Variants in SLC4A10 observed in about 807,000 individuals in gnomAD.
The protein encoded by SLC4A10 is solute carrier family 4 member 10, also known as sodium-driven chloride bicarbonate exchanger.
Under a neutral mutation model 137.7 loss-of-function variants are expected in SLC4A10, and 42 were observed. The ratio of observed to expected loss-of-function variants is 0.30; its 90% CI spans 0.24 to 0.39. The LOEUF (loss-of-function observed/expected upper bound fraction) is 0.39, where lower values mean the gene tolerates loss of function less well. SLC4A10 is among the 10% of genes least tolerant of loss of function. SLC4A10 has a pLI of 1.00. For synonymous variants in SLC4A10, 474 were observed against 464.1 expected (o/e 1.02, Z -0.27); for missense variants, 925 against 1,355.0 (o/e 0.68, Z 4.98).
At chr2:161,807,484 T>A (rs2125616403) in intron 3 of SLC4A10, among the ~76,000 whole-genome samples, 1 of 152,228 alleles carries the variant, frequency 6.6e-6, no homozygotes, top group Admixed American at 6.5e-5. Flanking sequence ...CTGAAGTCAC[T>A]AATTCATTTA....
chr2:161,710,022 A>T lies in SLC4A10; in HGVS notation c.49-60951A>T, dbSNP rs549095570. ...ATCAGGGTGAAATGACATAGATTAA[A>T]AAAATGAATATATTTAAGGAAGTCT... is the stretch of plus-strand genomic sequence containing the variant. On this transcript the variant is annotated intron_variant, in intron 1 of 26. Coordinates refer to ENST00000446997, the MANE Select transcript of SLC4A10 (RefSeq NM_001178015.2). The T allele has an allele frequency of 2.6e-5, 4 of 151,746 alleles. No individual in the cohort carries two copies. In the East Asian group the frequency reaches 7.7e-4, roughly 29 times the overall value. 9.4% of individuals were successfully genotyped at this position (151,746 alleles called of 1,614,324 possible).
chr2:161,788,716 C>A (rs530248335), intron 2 of SLC4A10, among the ~76,000 whole-genome samples: 6 of 152,172 alleles, frequency 3.9e-5, no homozygotes, highest in Non-Finnish European at 8.8e-5. Context: ...GAGCCCAGAG[C>A]AAACAGTTTT....
At chr2:161,874,355 T>C (rs550113667) in intron 8 of SLC4A10, among the ~76,000 whole-genome samples, 83 of 152,234 alleles carry the variant, frequency 5.5e-4, no homozygotes, top group Non-Finnish European at 1.0e-3. Context: ...AATTGTGATT[T>C]AACTTTTTAA....
chr2:161,645,780 G>C (rs979562227), intron 1 of SLC4A10, among the ~76,000 whole-genome samples: 7 of 151,996 alleles, frequency 4.6e-5, no homozygotes, highest in African/African-American at 7.2e-5. Context: ...ATAAATCTGA[G>C]AGCCAGTCAA....
chr2:161,638,646 G>GT (rs2034814530), intron 1 of SLC4A10, among the ~76,000 whole-genome samples: 3 of 151,876 alleles, frequency 2.0e-5, no homozygotes, highest in African/African-American at 7.2e-5. Context: ...GATTTTTTCT[G>GT]TTTTTGTGAA....
intron 8 of SLC4A10, among the ~76,000 whole-genome samples, chr2:161,877,893 G>T (rs2061530542): frequency 1.3e-5 from 2 of 151,830 alleles, no homozygotes; most frequent in African/African-American, 4.8e-5. Flanking sequence ...TAATCCTTGT[G>T]AAAGAACATA....
chr2:161,883,956 C>A (rs2062017169), intron 10 of SLC4A10, among the ~76,000 whole-genome samples: 1 of 152,256 alleles, frequency 6.6e-6, no homozygotes, highest in East Asian at 1.9e-4. Flanking sequence ...TCAAATAAGG[C>A]CACATTCTGC....
At chr2:161,805,651 T>G (rs1249242516) in intron 3 of SLC4A10, among the ~76,000 whole-genome samples, 1 of 152,194 alleles carries the variant, frequency 6.6e-6, no homozygotes, top group Non-Finnish European at 1.5e-5. Flanking sequence ...AGCTCCGAAA[T>G]GATCTCCTTT....
chr2:161,775,484 A>G (rs1456521639), intron 2 of SLC4A10, among the ~76,000 whole-genome samples: 1 of 151,938 alleles, frequency 6.6e-6, no homozygotes, highest in East Asian at 1.9e-4. Flanking sequence ...GTTTCACTAT[A>G]TTAACCCATT....
chr2:161,741,696 A>C (rs1345568845), intron 1 of SLC4A10, among the ~76,000 whole-genome samples: 1 of 152,206 alleles, frequency 6.6e-6, no homozygotes, highest in South Asian at 2.1e-4. Flanking sequence ...TTATGGGTAC[A>C]TAATAGGTGT....
At chr2:161,752,082 G>T (rs1201592751) in intron 1 of SLC4A10, among the ~76,000 whole-genome samples, 1 of 151,912 alleles carries the variant, frequency 6.6e-6, no homozygotes, top group Non-Finnish European at 1.5e-5. Flanking sequence ...GGTTGGGTTA[G>T]TATTTACCTT....
intron 1 of SLC4A10, among the ~76,000 whole-genome samples, chr2:161,634,727 C>A (rs2034133466): frequency 6.6e-6 from 1 of 151,912 alleles, no homozygotes; most frequent in East Asian, 1.9e-4. Context: ...CAAAATCCTT[C>A]TTTTTAGCTA....
At chr2:161,787,745 T>A (rs934580577) in intron 2 of SLC4A10, among the ~76,000 whole-genome samples, 1 of 152,184 alleles carries the variant, frequency 6.6e-6, no homozygotes, top group Admixed American at 6.5e-5. Flanking sequence ...AAATTACTTT[T>A]GTGAATTTTT....
chr2:161,831,374 T>C (rs1376657977), intron 3 of SLC4A10, among the ~76,000 whole-genome samples: 1 of 152,176 alleles, frequency 6.6e-6, no homozygotes, highest in African/African-American at 2.4e-5. Flanking sequence ...CTCATTCTTT[T>C]GTGTTTTAAA....
intron 5 of SLC4A10, among the ~76,000 whole-genome samples, chr2:161,856,469 T>A (rs1425433315): frequency 6.6e-6 from 1 of 151,966 alleles, no homozygotes; most frequent in Admixed American, 6.6e-5. Flanking sequence ...GAGATTATTC[T>A]TTAAGTTACA....
At chr2:161,983,147 G>C in intron 26 of SLC4A10, 32 bp from the exon 27 acceptor site, 1 of 1,533,164 alleles carries the variant, frequency 6.5e-7, no homozygotes, top group Non-Finnish European at 8.7e-7. Context: ...CTGGATTGCA[G>C]TAATAAATGT....
intron 19 of SLC4A10, among the ~76,000 whole-genome samples, chr2:161,952,259 CTT>C (rs142408815): frequency 0.041 from 6,178 of 152,204 alleles, 190 homozygotes; most frequent in Non-Finnish European, 0.064. Context: ...CATTCTGAAT[CTT>C]TGCCCTTTCA....
At chr2:161,763,986 A>G (rs2050534055) in intron 1 of SLC4A10, among the ~76,000 whole-genome samples, 1 of 152,168 alleles carries the variant, frequency 6.6e-6, no homozygotes, top group South Asian at 2.1e-4. Flanking sequence ...AATCTTTGAC[A>G]TGGCAATCCC....
At chr2:161,737,583 T>G (rs146358085) in intron 1 of SLC4A10, among the ~76,000 whole-genome samples, 4 of 152,130 alleles carry the variant, frequency 2.6e-5, no homozygotes, top group Non-Finnish European at 4.4e-5. Flanking sequence ...TCTACATCAA[T>G]AGGCATTCCT....
Sources: gnomAD v4.1 joint callset for allele counts (sites outside exome capture counted in the v4.1 genomes callset) on GRCh38, gnomAD v4.1.1 for gene constraint, MANE v1.5 for transcripts, NCBI Gene and HGNC (gene_info 2026-07-23, HGNC 2026-07-21) for gene names.